Variants in NPAP1 observed in about 807,000 individuals in gnomAD.
NPAP1 encodes nuclear pore-associated protein 1.
For missense variants in NPAP1, 1,483 were observed against 1,454.5 expected (o/e 1.02, Z -0.32); for synonymous variants, 616 against 581.4 (o/e 1.06, Z -0.86).
rs1335839033 is a variant in NPAP1, at chr15:24,680,512, T to A, written c.*1174T>A. 6.0e-6 allele frequency: 1 copy of A among 167,140 alleles called. No individual in the cohort carries two copies. The highest frequency in any genetic ancestry group is 6.5e-5 in the Admixed American group (1 of 15,278). The allele number at this position is 167,140 out of a possible 1,614,324, so 10.4% of individuals were successfully genotyped here. A position where few individuals can be genotyped will look rare whatever the true frequency, so the allele number is the denominator to read the frequency against. ...TAAATTGACATTGTTCCAGGAGGAA[T>A]GGGCTCAGTTCCCTCAAGGTTAAAC... On this transcript the variant is annotated 3_prime_UTR_variant, in exon 1 of 1. Transcript: ENST00000329468.
At position 24,678,386 on chromosome 15, in the gene NPAP1, T is replaced by G. The variant is rs370596656; in HGVS notation, c.2519T>G (p.Phe840Cys). The part of the protein sequence containing the change: ...PSKTVILQST[F>C]VSRKEEYIRF... ...AAAACTGTCATCTTGCAGTCTACCT[T>G]TGTCTCCAGGAAGGAGGAGTACATC... Residue 840 changes from phenylalanine to cysteine, a missense_variant, in exon 1 of 1, where the codon TTT becomes TGT. Coordinates refer to ENST00000329468, the MANE Select transcript of NPAP1 (RefSeq NM_018958.3). 6 of 1,613,278 alleles carry G rather than the reference T, an allele frequency of 3.7e-6. No homozygotes were observed. The African/African-American group carries it at 8.0e-5, about 22-fold the overall frequency.
At position 24,681,785 on chromosome 15, in the gene NPAP1, G is replaced by GATAC. The variant is rs2049018576; in HGVS notation, c.*2450_*2451insCATA. 1.2e-5 allele frequency: 2 copies of GATAC among 164,810 alleles called. No individual in the cohort carries two copies. Among genetic ancestry groups the GATAC allele is most frequent in the Non-Finnish European group, 1.5e-5 (1 of 67,548 alleles). 10.2% of individuals were successfully genotyped at this position (164,810 alleles called of 1,614,324 possible). A position where few individuals can be genotyped will look rare whatever the true frequency, so the allele number is the denominator to read the frequency against. On this transcript the variant is annotated 3_prime_UTR_variant, in exon 1 of 1. Transcript: ENST00000329468. ...GACTAATAAAGATAGATAGATGATAGATAGATACATAGATAGATGATAGAG... is the reference window on the plus strand; with the variant it reads ...GACTAATAAAGATAGATAGATGATAGATACATAGATACATAGATAGATGATAGAG...
chr15:24,676,456 G>A lies in NPAP1; in HGVS notation c.589G>A (p.Asp197Asn), dbSNP rs751743638. 1.2e-6 allele frequency: 2 copies of A among 1,613,646 alleles called. No homozygotes were observed. The highest frequency in any genetic ancestry group is 1.3e-5 in the African/African-American group (1 of 74,934). ...STSRSQGTQG[D>N]VASFRCSPGP... ...ATCCAGGTCCCAGGGCACCCAGGGA[G>A]ACGTGGCCTCCTTCAGATGCAGCCC... The change falls in exon 1 of 1, where the codon GAC (aspartate) becomes AAC (asparagine). Residue 197 changes from aspartate to asparagine, a missense_variant. By Grantham distance (23) the Asp-to-Asn change is conservative (BLOSUM62 1). Transcript: ENST00000329468.
At position 24,680,604 on chromosome 15, in the gene NPAP1, G is replaced by A. The variant is rs1256584171; in HGVS notation, c.*1266G>A. The A allele has an allele frequency of 6.2e-6, 1 of 162,490 alleles. No homozygotes were observed. The highest frequency in any genetic ancestry group is 2.2e-4 in the South Asian group (1 of 4,594). 10.1% of individuals were successfully genotyped at this position (162,490 alleles called of 1,614,324 possible). A position where few individuals can be genotyped will look rare whatever the true frequency, so the allele number is the denominator to read the frequency against. ...ACAGACAGAGAGAGAGAGAGTGTGTGTGTTTGTGTGTGTGTGTGTGTGTTT... is the reference window on the plus strand; with the variant it reads ...ACAGACAGAGAGAGAGAGAGTGTGTATGTTTGTGTGTGTGTGTGTGTGTTT... On this transcript the variant is annotated 3_prime_UTR_variant, in exon 1 of 1. Coordinates refer to ENST00000329468, the MANE Select transcript of NPAP1 (RefSeq NM_018958.3).
At position 24,677,967 on chromosome 15, in the gene NPAP1, G is replaced by C. The variant is rs147823907; in HGVS notation, c.2100G>C (p.Met700Ile). The C allele has an allele frequency of 6.2e-7, 1 of 1,613,634 alleles. No homozygotes were observed. The highest frequency in any genetic ancestry group is 2.2e-5 in the East Asian group (1 of 44,830). ...SSKPPIETNA[M>I]HTTPPSKAVI... ...AACCTCCCATTGAAACCAATGCTAT[G>C]CATACCACTCCTCCTTCCAAGGCTG... is the stretch of plus-strand genomic sequence containing the variant. The change falls in exon 1 of 1, where the codon ATG becomes ATC. Residue 700 changes from methionine to isoleucine, a missense_variant. Coordinates refer to ENST00000329468, the MANE Select transcript of NPAP1 (RefSeq NM_018958.3).
the NPAP1 span, chr15:24,676,526 G>GC: frequency 6.2e-7 from 1 of 1,614,116 alleles, no homozygotes; most frequent in Non-Finnish European, 8.5e-7. Context: ...TCAGAAAACA[G>GC]CATGAGTGAG....
rs1165916602 is a variant in NPAP1 at position 24,679,851 on chromosome 15, G to T, written c.*513G>T. On this transcript the variant is annotated 3_prime_UTR_variant, in exon 1 of 1. Transcript: ENST00000329468. Reference sequence around the variant, plus strand: ...GAGGCCCACCTGGCTAAATGCAGGTGGTGCAATAGGAGATAGCCCCAGATA... The same window carrying T: ...GAGGCCCACCTGGCTAAATGCAGGTTGTGCAATAGGAGATAGCCCCAGATA... The T allele has an allele frequency of 5.7e-6, 1 of 175,366 alleles. No homozygotes were observed. The highest frequency in any genetic ancestry group is 1.8e-4 in the South Asian group (1 of 5,648). The allele number at this position is 175,366 out of a possible 1,614,324, so 10.9% of individuals were successfully genotyped here. A position where few individuals can be genotyped will look rare whatever the true frequency, so the allele number is the denominator to read the frequency against.
Position 24,679,413 on chromosome 15 carries a change from A to G in NPAP1, c.*75A>G. On this transcript the variant is annotated 3_prime_UTR_variant, in exon 1 of 1. Transcript: ENST00000329468. The stretch of plus-strand genomic sequence containing the variant: ...ACCAGCATTATCCTTTTGTATGGTC[A>G]TGCTTCTAGTTTCATCTTCATGCCA... 1 of 1,132,230 alleles carries G rather than the reference A, an allele frequency of 8.8e-7. No individual in the cohort carries two copies. Among genetic ancestry groups the G allele is most frequent in the Non-Finnish European group, 1.3e-6 (1 of 770,816 alleles). The allele number at this position is 1,132,230 out of a possible 1,614,324, so 70.1% of individuals were successfully genotyped here. A position where few individuals can be genotyped will look rare whatever the true frequency, so the allele number is the denominator to read the frequency against.
rs144446064 is a variant in NPAP1 at position 24,677,127 on chromosome 15, C to G, written c.1260C>G (p.Val420=). The change falls in exon 1 of 1, where the codon GTC becomes GTG. Residue 420 remains valine, a synonymous_variant. Transcript: ENST00000329468. ...CCCTGACCACTTACACTTCCCAGGT[C>G]TCAGCTCCTTTGCCCATCCCTGACT... The part of the protein sequence containing the change: ...SLPLTTYTSQ[V]SAPLPIPDLA... The G allele has an allele frequency of 8.0e-4, 1,285 of 1,614,114 alleles. 8 individuals carry two copies. The African/African-American group carries it at 0.015, about 19-fold the overall frequency.
rs2141306724 is a variant in NPAP1 at position 24,675,777 on chromosome 15, T to G, written c.-91T>G. 3.2e-6 allele frequency: 3 copies of G among 943,202 alleles called. No individual in the cohort carries two copies. Among genetic ancestry groups the G allele is most frequent in the Non-Finnish European group, 3.0e-6 (2 of 663,718 alleles). The allele number at this position is 943,202 out of a possible 1,614,324, so 58.4% of individuals were successfully genotyped here. ...GCGTCGCAGGCGTAGAGCCAGTCAG[T>G]TTGTGCTTGGTCGCCAGAGGAGGCG... On this transcript the variant is annotated 5_prime_UTR_variant, in exon 1 of 1. Coordinates refer to ENST00000329468, the MANE Select transcript of NPAP1 (RefSeq NM_018958.3).
In NPAP1 at chr15:24,678,082, A is replaced by C. The variant is rs1485577687; in HGVS notation, c.2215A>C (p.Thr739Pro). The change falls in exon 1 of 1, where the codon ACT becomes CCT. Residue 739 changes from threonine to proline, a missense_variant. Thr to Pro is a conservative substitution (Grantham distance 38, BLOSUM62 -1). Coordinates refer to ENST00000329468, the MANE Select transcript of NPAP1 (RefSeq NM_018958.3). ...GSGNTQPSGN[T>P]ASVQGSTSLP... ...TGGGAACACACAACCCAGCGGCAACACTGCCTCAGTCCAAGGCTCCACCAG... is the reference window on the plus strand; with the variant it reads ...TGGGAACACACAACCCAGCGGCAACCCTGCCTCAGTCCAAGGCTCCACCAG... 1.2e-6 allele frequency: 2 copies of C among 1,613,808 alleles called. No individual in the cohort carries two copies. The highest frequency in any genetic ancestry group is 2.2e-5 in the East Asian group (1 of 44,816).
rs2141313036 is a variant in NPAP1, at chr15:24,678,624, A to T, written c.2757A>T (p.Pro919=). The T allele has an allele frequency of 6.2e-7, 1 of 1,614,028 alleles. No individual in the cohort carries two copies. The highest frequency in any genetic ancestry group is 8.5e-7 in the Non-Finnish European group (1 of 1,180,034). ...ACAGTTCTTTTATTCTGGGGAATCC[A>T]GCAACCCCAGCACCAGTTATAGGCT... ...KSDSSFILGN[P]ATPAPVIGLT... The change falls in exon 1 of 1, where the codon CCA becomes CCT. Residue 919 remains proline (P), a synonymous_variant. Transcript: ENST00000329468.
In NPAP1 at chr15:24,680,808, T is replaced by C. The variant is rs1018528437; in HGVS notation, c.*1470T>C. 1.2e-5 allele frequency: 2 copies of C among 166,948 alleles called. No individual in the cohort carries two copies. The highest frequency in any genetic ancestry group is 4.8e-5 in the African/African-American group (2 of 41,388). 10.3% of individuals were successfully genotyped at this position (166,948 alleles called of 1,614,324 possible). A position where few individuals can be genotyped will look rare whatever the true frequency, so the allele number is the denominator to read the frequency against. On this transcript the variant is annotated 3_prime_UTR_variant, in exon 1 of 1. Coordinates refer to ENST00000329468, the MANE Select transcript of NPAP1 (RefSeq NM_018958.3). ...AATTCCCGACTTTGTGGACCCTATATTCTAGTTGAAGGGGAGAAAAGAAGC... is the reference window on the plus strand; with the variant it reads ...AATTCCCGACTTTGTGGACCCTATACTCTAGTTGAAGGGGAGAAAAGAAGC...
At chr15:24,676,596 C>CA in the NPAP1 span, 2 of 1,613,962 alleles carry the variant, frequency 1.2e-6, no homozygotes, top group African/African-American at 2.7e-5. Flanking sequence ...CCAGCACACA[C>CA]AGCCAGGCCG....
chr15:24,682,192 C>T lies in NPAP1; in HGVS notation c.*2854C>T, dbSNP rs920352635. 6.0e-6 allele frequency: 1 copy of T among 167,020 alleles called. No individual in the cohort carries two copies. Among genetic ancestry groups the T allele is most frequent in the Admixed American group, 6.5e-5 (1 of 15,270 alleles). The allele number at this position is 167,020 out of a possible 1,614,324, so 10.3% of individuals were successfully genotyped here. Reference sequence around the variant, plus strand: ...TTGGCACCCTGGGGCCTGATTCATTCGCTCTAAATTGTTTAGTACAGTTCC... The same window carrying T: ...TTGGCACCCTGGGGCCTGATTCATTTGCTCTAAATTGTTTAGTACAGTTCC... On this transcript the variant is annotated 3_prime_UTR_variant, in exon 1 of 1. Transcript: ENST00000329468.
rs1384482488 is a variant in NPAP1, at chr15:24,677,421, T to C, written c.1554T>C (p.Ser518=). 2 of 1,613,954 alleles carry C rather than the reference T, an allele frequency of 1.2e-6. No individual in the cohort carries two copies. The highest frequency in any genetic ancestry group is 1.7e-6 in the Non-Finnish European group (2 of 1,180,028). ...KPPVTRESPI[S]MCVDSPPPLS... is the part of the protein sequence containing the mutation. ...CCGTCACAAGGGAGTCCCCAATATC[T>C]ATGTGTGTGGATTCCCCTCCTCCTC... Residue 518 remains serine, a synonymous_variant, in exon 1 of 1, where the codon TCT becomes TCC. Transcript: ENST00000329468.
chr15:24,676,224 C>A lies in NPAP1; in HGVS notation c.357C>A (p.Pro119=), dbSNP rs1459164078. ...CCAGTTCCGTAAGGATCCCTCCTCCCAGCCGCATGTTCACTCTCCTGCTGC... is the reference window on the plus strand; with the variant it reads ...CCAGTTCCGTAAGGATCCCTCCTCCAAGCCGCATGTTCACTCTCCTGCTGC... The part of the protein sequence containing the change: ...GHPSSVRIPP[P]SRMFTLLLPS... The change falls in exon 1 of 1, where the codon CCC becomes CCA. Residue 119 remains proline (P), a synonymous_variant. Coordinates refer to ENST00000329468, the MANE Select transcript of NPAP1 (RefSeq NM_018958.3). 1 of 1,525,710 alleles carries A rather than the reference C, an allele frequency of 6.6e-7. No homozygotes were observed. Among genetic ancestry groups the A allele is most frequent in the Non-Finnish European group, 8.8e-7 (1 of 1,138,996 alleles). The allele number at this position is 1,525,710 out of a possible 1,614,324, so 94.5% of individuals were successfully genotyped here. A position where few individuals can be genotyped will look rare whatever the true frequency, so the allele number is the denominator to read the frequency against.
chr15:24,680,026 G>A lies in NPAP1; in HGVS notation c.*688G>A, dbSNP rs1000194458. The A allele has an allele frequency of 2.1e-5, 4 of 190,986 alleles. No homozygotes were observed. Among genetic ancestry groups the A allele is most frequent in the Non-Finnish European group, 3.5e-5 (3 of 84,744 alleles). 11.8% of individuals were successfully genotyped at this position (190,986 alleles called of 1,614,324 possible). A position where few individuals can be genotyped will look rare whatever the true frequency, so the allele number is the denominator to read the frequency against. On this transcript the variant is annotated 3_prime_UTR_variant, in exon 1 of 1. Transcript: ENST00000329468. ...TTGTTTGTTTGTTTGTTTTTGAGAC[G>A]GAGCCTTAGCCCAGGCTGGAGTGTA...
rs2141307551 is a variant in NPAP1, at chr15:24,676,223, C to T, written c.356C>T (p.Pro119Leu). Residue 119 changes from proline to leucine, a missense_variant, in exon 1 of 1, where the codon CCC (proline) becomes CTC (leucine). Coordinates refer to ENST00000329468, the MANE Select transcript of NPAP1 (RefSeq NM_018958.3). ...CCCAGTTCCGTAAGGATCCCTCCTC[C>T]CAGCCGCATGTTCACTCTCCTGCTG... ...GHPSSVRIPP[P>L]SRMFTLLLPS... The T allele has an allele frequency of 6.6e-7, 1 of 1,525,968 alleles. No homozygotes were observed. The highest frequency in any genetic ancestry group is 8.8e-7 in the Non-Finnish European group (1 of 1,139,150). 94.5% of individuals were successfully genotyped at this position (1,525,968 alleles called of 1,614,324 possible).
Sources: allele counts gnomAD v4.1 joint callset, GRCh38; gene constraint gnomAD v4.1.1; transcripts MANE v1.5; gene names NCBI Gene and HGNC (gene_info 2026-07-23, HGNC 2026-07-21).